The following RBFOX1 variants were observed in gnomAD, a reference collection of about 807,000 sequenced individuals.
The protein encoded by RBFOX1 is RNA binding protein fox-1 homolog 1.
Under a neutral mutation model 57.7 loss-of-function variants are expected in RBFOX1, and 8 were observed. The ratio of observed to expected loss-of-function variants is 0.14; its 90% CI spans 0.08 to 0.25. RBFOX1 has a LOEUF of 0.25. Ranked by LOEUF, RBFOX1 falls within the 10% of genes least tolerant of loss-of-function variation. The pLI, the probability that RBFOX1 is intolerant of heterozygous loss-of-function variation, is 1.00. For missense variants in RBFOX1, 611 were observed against 548.5 expected (o/e 1.11, Z -1.14); for synonymous variants, 326 against 222.4 (o/e 1.47, Z -4.15).
intron 3 of RBFOX1, among the ~76,000 whole-genome samples, chr16:6,871,466 G>T (rs1433727358): frequency 6.6e-6 from 1 of 152,086 alleles, no homozygotes; most frequent in Non-Finnish European, 1.5e-5. Flanking sequence ...GATTACAGGT[G>T]TGAGCCACCG....
intron 1 of RBFOX1, among the ~76,000 whole-genome samples, chr16:5,255,230 A>G (rs2151086418): frequency 6.6e-6 from 1 of 152,212 alleles, no homozygotes; most frequent in East Asian, 1.9e-4. Context: ...AGGTGATGAC[A>G]CACCCTAGGA....
At chr16:7,568,809 C>T (rs1468180336) in intron 5 of RBFOX1, among the ~76,000 whole-genome samples, 1 of 147,968 alleles carries the variant, frequency 6.8e-6, no homozygotes, top group Non-Finnish European at 1.5e-5. Flanking sequence ...ATGGCGTGAA[C>T]CCGGGAGGCG....
At chr16:6,165,931 C>T (rs138736188) in intron 1 of RBFOX1, among the ~76,000 whole-genome samples, 24 of 152,176 alleles carry the variant, frequency 1.6e-4, no homozygotes, top group African/African-American at 2.6e-4. Flanking sequence ...CTGGAATTGC[C>T]GGGATGTTGT....
At chr16:6,609,897 A>G (rs1019195688) in intron 2 of RBFOX1, among the ~76,000 whole-genome samples, 1 of 152,072 alleles carries the variant, frequency 6.6e-6, no homozygotes, top group Non-Finnish European at 1.5e-5. Context: ...AGTCCCAGCT[A>G]CTTGGGAGGC....
intron 4 of RBFOX1, among the ~76,000 whole-genome samples, chr16:7,246,229 G>A (rs2094292688): frequency 6.6e-6 from 1 of 152,146 alleles, no homozygotes; most frequent in African/African-American, 2.4e-5. Context: ...AAATTTGGAA[G>A]GAATCCTTAG....
Position 5,281,606 on chromosome 16 carries a change from C to G in RBFOX1, c.219+41501C>G, listed in dbSNP as rs1250070811. ...TATTTGCTATGTGTGTCTGTATGCT[C>G]TTATGTTGGTTGCATGCATATTTAG... On this transcript the variant is annotated intron_variant, in intron 1 of 2. Transcript: ENST00000585867. Among the ~76,000 whole-genome samples, 10 of 152,166 alleles carry G rather than the reference C, an allele frequency of 6.6e-5. 1 individual carries two copies. The highest frequency in any genetic ancestry group is 2.4e-5 in the African/African-American group (1 of 41,442).
chr16:5,260,545 A>G (rs1448743068), intron 1 of RBFOX1: 2 of 152,260 alleles, frequency 1.3e-5, no homozygotes, highest in Non-Finnish European at 2.9e-5. Flanking sequence ...ATCAGTTTCT[A>G]GAACATCTAA....
In RBFOX1 at chr16:6,943,210, C is replaced by G. The variant is rs184083035; in HGVS notation, c.-15-108847C>G. 2.4e-4 allele frequency among the ~76,000 whole-genome samples: 37 copies of G among 152,268 alleles called. No homozygotes were observed. The East Asian group carries it at 5.6e-3, about 23-fold the overall frequency. ...CTTGGCCAAATGGGAACTGCTTTGC[C>G]TATAAGGTTATAGAGCCCTCAAGAG... On this transcript the variant is annotated intron_variant, in intron 3 of 15. Coordinates refer to ENST00000550418, the MANE Select transcript of RBFOX1 (RefSeq NM_018723.4).
chr16:7,697,153 G>A (rs1008648104), intron 14 of RBFOX1, among the ~76,000 whole-genome samples: 6 of 152,180 alleles, frequency 3.9e-5, no homozygotes, highest in African/African-American at 9.7e-5. Flanking sequence ...AAACAGCACC[G>A]AAGGGCAATG....
intron 3 of RBFOX1, among the ~76,000 whole-genome samples, chr16:7,020,199 T>G (rs1405016224): frequency 6.6e-6 from 1 of 152,100 alleles, no homozygotes; most frequent in Non-Finnish European, 1.5e-5. Flanking sequence ...AATATTTTCT[T>G]TTTTTTCTTT....
At chr16:6,688,538 C>G (rs1216277408) in intron 3 of RBFOX1, among the ~76,000 whole-genome samples, 1 of 152,110 alleles carries the variant, frequency 6.6e-6, no homozygotes, top group Non-Finnish European at 1.5e-5. Context: ...AGTAACTTCC[C>G]AAGCACCGTA....
chr16:6,822,866 G>A (rs555161448), intron 3 of RBFOX1, among the ~76,000 whole-genome samples: 2 of 152,136 alleles, frequency 1.3e-5, no homozygotes, highest in South Asian at 4.2e-4. Context: ...AAAATGCCTG[G>A]AACAGTGATT....
rs114650555 is a variant in RBFOX1 at position 7,077,371 on chromosome 16, C to A, written c.27+25273C>A. On this transcript the variant is annotated intron_variant, in intron 4 of 15. Transcript: ENST00000550418. ...GAGTTTTACGTGATGAATTTTCCTACAAAAGTCAAAATGGGAAATTCAGGT... is the reference window on the plus strand; with the variant it reads ...GAGTTTTACGTGATGAATTTTCCTAAAAAAGTCAAAATGGGAAATTCAGGT... Among the ~76,000 whole-genome samples, 1,114 of 152,236 alleles carry A rather than the reference C, an allele frequency of 7.3e-3. 13 individuals carry two copies. Among genetic ancestry groups the A allele is most frequent in the African/African-American group, 0.025 (1,047 of 41,544 alleles).
At chr16:6,839,398 C>G (rs192489401) in intron 3 of RBFOX1, among the ~76,000 whole-genome samples, 16 of 152,358 alleles carry the variant, frequency 1.1e-4, no homozygotes, top group Admixed American at 4.6e-4. Flanking sequence ...AGCTGCGTCA[C>G]TGCTGTGGAA....
intron 1 of RBFOX1, among the ~76,000 whole-genome samples, chr16:6,192,861 C>A (rs1373095940): frequency 6.6e-6 from 1 of 152,118 alleles, no homozygotes. Flanking sequence ...TTATTGAGAT[C>A]CATCTCATAA....
At chr16:6,319,475 A>G (rs1347786103) in intron 2 of RBFOX1, among the ~76,000 whole-genome samples, 1 of 152,206 alleles carries the variant, frequency 6.6e-6, no homozygotes, top group Non-Finnish European at 1.5e-5. Flanking sequence ...GGAAAGCTGA[A>G]TAGGTAGATG....
chr16:5,887,412 T>C (rs565137797), intron 4 of RBFOX1, among the ~76,000 whole-genome samples: 31 of 152,288 alleles, frequency 2.0e-4, no homozygotes, highest in African/African-American at 7.2e-4. Context: ...TTTGTTTGTT[T>C]GTTTTGTGAG....
intron 2 of RBFOX1, among the ~76,000 whole-genome samples, chr16:6,438,212 C>G (rs1176355094): frequency 1.3e-5 from 2 of 152,168 alleles, no homozygotes; most frequent in African/African-American, 2.4e-5. Flanking sequence ...TACTTGATAG[C>G]CAGCACTTAA....
At chr16:6,671,248 G>A (rs142143267) in intron 3 of RBFOX1, among the ~76,000 whole-genome samples, 2 of 152,218 alleles carry the variant, frequency 1.3e-5, no homozygotes, top group East Asian at 1.9e-4. Flanking sequence ...TAAGGTAATG[G>A]CTTCTTATGC....
Sources: gnomAD v4.1 joint callset for allele counts (sites outside exome capture counted in the v4.1 genomes callset) on GRCh38, gnomAD v4.1.1 for gene constraint, MANE v1.5 for transcripts, NCBI Gene and HGNC (gene_info 2026-07-23, HGNC 2026-07-21) for gene names.